The following MGLL variants were observed in gnomAD, a reference collection of about 807,000 sequenced individuals.
The protein encoded by MGLL is monoglyceride lipase, also known as lysophospholipase homolog.
MGLL carries 7 observed loss-of-function variants against 29.1 expected under a neutral mutation model. That is an observed-to-expected ratio of 0.24 (90% CI 0.14 to 0.45). MGLL has a LOEUF of 0.45. MGLL is among the 20% of genes least tolerant of loss of function. MGLL has a pLI of 0.99. For synonymous variants in MGLL, 148 were observed against 168.3 expected, an observed-to-expected ratio of 0.88 and a Z score of 0.93; for missense variants, 356 against 413.6, an observed-to-expected ratio of 0.86 and a Z score of 1.21.
At chr3:127,710,310 T>C (rs930272502) in intron 6 of MGLL, among the ~76,000 whole-genome samples, 8 of 152,226 alleles carry the variant, frequency 5.3e-5, no homozygotes, top group African/African-American at 1.9e-4. Context: ...TTTCTGTCTC[T>C]TGCAACCAAG....
At chr3:127,770,252 C>T (rs2076927142) in intron 3 of MGLL, among the ~76,000 whole-genome samples, 1 of 152,140 alleles carries the variant, frequency 6.6e-6, no homozygotes, top group South Asian at 2.1e-4. Flanking sequence ...AAACTCCTGG[C>T]CTCAAGCGAT....
At chr3:127,716,027 G>C in intron 5 of MGLL, 1 of 352,534 alleles carries the variant, frequency 2.8e-6, no homozygotes, top group Non-Finnish European at 5.6e-6. Flanking sequence ...CCTGCCCCAT[G>C]ACCCTGGTGA....
intron 6 of MGLL, among the ~76,000 whole-genome samples, chr3:127,697,220 G>A (rs1211829715): frequency 6.6e-6 from 1 of 152,240 alleles, no homozygotes; most frequent in Non-Finnish European, 1.5e-5. Context: ...TCAGCCAGGA[G>A]CCCTGAGGGA....
chr3:127,737,325 C>T (rs1023065288), intron 3 of MGLL, among the ~76,000 whole-genome samples: 15 of 151,670 alleles, frequency 9.9e-5, no homozygotes, highest in Admixed American at 9.8e-4. Flanking sequence ...TCTGTGTGAC[C>T]TTGGGCAGTG....
At chr3:127,725,597 C>T (rs1475535509) in intron 3 of MGLL, among the ~76,000 whole-genome samples, 2 of 152,140 alleles carry the variant, frequency 1.3e-5, no homozygotes, top group Non-Finnish European at 2.9e-5. Flanking sequence ...GATCTTCCAA[C>T]GTTTGAAATA....
At chr3:127,781,529 C>T (rs991046452) in intron 3 of MGLL, among the ~76,000 whole-genome samples, 1 of 152,216 alleles carries the variant, frequency 6.6e-6, no homozygotes, top group Non-Finnish European at 1.5e-5. Context: ...ATTCCTTAGC[C>T]TCAGGCAAGT....
At chr3:127,781,604 T>C (rs1291173523) in intron 3 of MGLL, among the ~76,000 whole-genome samples, 185 bp downstream of exon 3, 1 of 152,242 alleles carries the variant, frequency 6.6e-6, no homozygotes, top group Non-Finnish European at 1.5e-5. Flanking sequence ...GCATTCAGTC[T>C]CAGACTACAG....
intron 3 of MGLL, among the ~76,000 whole-genome samples, chr3:127,756,194 C>A (rs951689976): frequency 6.6e-6 from 1 of 152,166 alleles, no homozygotes; most frequent in African/African-American, 2.4e-5. Flanking sequence ...AAGTTGGTTT[C>A]TTGATAAAAT....
intron 3 of MGLL, among the ~76,000 whole-genome samples, chr3:127,741,370 T>TGTGGG (rs1385040436): frequency 3.3e-5 from 5 of 152,090 alleles, no homozygotes; most frequent in Non-Finnish European, 7.4e-5. Context: ...TGGCCCTGAG[T>TGTGGG]GTGGCGCTGG....
At chr3:127,796,465 G>A (rs1436121348) in intron 2 of MGLL, among the ~76,000 whole-genome samples, 2 of 152,174 alleles carry the variant, frequency 1.3e-5, no homozygotes, top group Non-Finnish European at 2.9e-5. Flanking sequence ...AAGCACTGTG[G>A]AGCCAATGCA....
intron 2 of MGLL, chr3:127,783,738 A>G (rs947628532): frequency 7.2e-5 from 11 of 152,150 alleles, no homozygotes; most frequent in African/African-American, 2.7e-4. Context: ...ATGCCCAGCC[A>G]CCTCCACTCA....
intron 3 of MGLL, among the ~76,000 whole-genome samples, chr3:127,764,932 T>C (rs995285098): frequency 4.1e-4 from 62 of 152,188 alleles, no homozygotes; most frequent in African/African-American, 1.3e-3. Context: ...CATCCTTTAC[T>C]GTAGATGAGA....
At chr3:127,755,093 C>A (rs920139402) in intron 3 of MGLL, among the ~76,000 whole-genome samples, 1 of 152,176 alleles carries the variant, frequency 6.6e-6, no homozygotes, top group African/African-American at 2.4e-5. Flanking sequence ...CTTGCCATTG[C>A]GGGGGCTGTT....
chr3:127,716,209 C>T (rs754297052), intron 5 of MGLL, among the ~76,000 whole-genome samples: 20 of 152,248 alleles, frequency 1.3e-4, no homozygotes, highest in Non-Finnish European at 2.9e-4. Context: ...GATTTGGAGA[C>T]GCGAAGCAGG....
At chr3:127,743,944 C>T (rs1462618189) in intron 3 of MGLL, among the ~76,000 whole-genome samples, 3 of 152,132 alleles carry the variant, frequency 2.0e-5, no homozygotes, top group South Asian at 2.1e-4. Flanking sequence ...CACTGAGTTA[C>T]CTTAGAGCGA....
intron 5 of MGLL, among the ~76,000 whole-genome samples, chr3:127,717,282 C>T (rs1407891341): frequency 6.6e-6 from 1 of 152,194 alleles, no homozygotes; most frequent in African/African-American, 2.4e-5. Flanking sequence ...TGGCTAAAAA[C>T]AGATGAGTGA....
intron 3 of MGLL, among the ~76,000 whole-genome samples, chr3:127,752,952 G>C (rs2076586933): frequency 6.6e-6 from 1 of 152,148 alleles, no homozygotes. Context: ...CCTCCATTTA[G>C]TCATTTTGTT....
At chr3:127,816,413 A>G (rs963057260) in intron 2 of MGLL, among the ~76,000 whole-genome samples, 1 of 152,212 alleles carries the variant, frequency 6.6e-6, no homozygotes, top group African/African-American at 2.4e-5. Context: ...CTTTGAGGAC[A>G]AAGTCTCAGG....
chr3:127,813,011 C>T (rs191349260), intron 2 of MGLL, among the ~76,000 whole-genome samples: 5 of 152,306 alleles, frequency 3.3e-5, no homozygotes, highest in South Asian at 4.2e-4. Context: ...ACTTCTAAAA[C>T]GTCTAAAGAC....
Sources: gnomAD v4.1 joint callset for allele counts (sites outside exome capture counted in the v4.1 genomes callset) on GRCh38, gnomAD v4.1.1 for gene constraint, MANE v1.5 for transcripts, NCBI Gene and HGNC (gene_info 2026-07-23, HGNC 2026-07-21) for gene names.